The following GNAS-AS1 variants were observed in gnomAD, a reference collection of about 807,000 sequenced individuals.
The protein encoded by GNAS-AS1 is GNAS antisense RNA 1.
rs550848950 is a variant in GNAS-AS1, at chr20:58,842,235, A to C, written n.527-6T>G. 19 of 398,540 alleles carry C rather than the reference A, an allele frequency of 4.8e-5. No individual in the cohort carries two copies. In the South Asian group the frequency reaches 2.3e-3, roughly 49 times the overall value. 24.7% of individuals were successfully genotyped at this position (398,540 alleles called of 1,614,324 possible). A position where few individuals can be genotyped will look rare whatever the true frequency, so the allele number is the denominator to read the frequency against. ...GCCAGTCCTGGGGGGAAAGACTGAT[A>C]AGTGAAATGTCTTTAAAAAATCTCA... is the stretch of plus-strand genomic sequence containing the variant. On this transcript the variant is annotated splice_region_variant and splice_polypyrimidine_tract_variant and intron_variant and non_coding_transcript_variant, in intron 3 of 4. Transcript: ENST00000424094.
intron 4 of GNAS-AS1, among the ~76,000 whole-genome samples, chr20:58,836,887 T>C (rs574232035): frequency 3.9e-5 from 6 of 152,208 alleles, no homozygotes; most frequent in Non-Finnish European, 7.3e-5. Flanking sequence ...GTGTGTTTGC[T>C]GATTAAAATG....
At chr20:58,834,797 A>T (rs1473570302) in intron 4 of GNAS-AS1, 1 of 152,202 alleles carries the variant, frequency 6.6e-6, no homozygotes, top group African/African-American at 2.4e-5. Flanking sequence ...CACAGAACGA[A>T]GGCTCCTTTC....
At chr20:58,848,584 T>C (rs751012475) in intron 2 of GNAS-AS1, among the ~76,000 whole-genome samples, 3 of 152,244 alleles carry the variant, frequency 2.0e-5, no homozygotes, top group Non-Finnish European at 4.4e-5. Context: ...CAGACGATGC[T>C]GCCCACTAAC....
chr20:58,826,200 A>G, intron 4 of GNAS-AS1: 1 of 397,954 alleles, frequency 2.5e-6, no homozygotes, highest in Non-Finnish European at 4.4e-6. Flanking sequence ...TAATAATAAC[A>G]TTAATACGAA....
At chr20:58,837,575 T>G (rs7347302) in intron 4 of GNAS-AS1, among the ~76,000 whole-genome samples, 2 of 152,238 alleles carry the variant, frequency 1.3e-5, no homozygotes, top group African/African-American at 4.8e-5. Flanking sequence ...CCCGAGTAGC[T>G]GGAACTACAA....
At chr20:58,830,440 TTAC>T (rs2085553732) in intron 4 of GNAS-AS1, among the ~76,000 whole-genome samples, 6 of 22,266 alleles carry the variant, frequency 2.7e-4, no homozygotes, top group East Asian at 2.9e-3. Flanking sequence ...ACCACCATCA[TTAC>T]CACCACCACC....
Position 58,841,966 on chromosome 20 carries a change from A to G in GNAS-AS1, n.790T>C. On this transcript the variant is annotated non_coding_transcript_exon_variant, in exon 4 of 5. Transcript: ENST00000424094. The surrounding 1 kb of genome is among the most constrained non-coding windows in gnomAD (Gnocchi z 5.0). The stretch of plus-strand genomic sequence containing the variant: ...CGTTTCCAAAGAGCGCGGTACGCGC[A>G]GAGCTGGGGAAAGGTGTTGGATCCG... 1 of 1,098,008 alleles carries G rather than the reference A, an allele frequency of 9.1e-7. No individual in the cohort carries two copies. The highest frequency in any genetic ancestry group is 1.2e-6 in the Non-Finnish European group (1 of 865,714). The allele number at this position is 1,098,008 out of a possible 1,614,324, so 68.0% of individuals were successfully genotyped here. A position where few individuals can be genotyped will look rare whatever the true frequency, so the allele number is the denominator to read the frequency against.
chr20:58,840,395 C>G lies in GNAS-AS1; in HGVS notation n.819+1542G>C. ...CGAGGAGGCAGACCTTGAGCTGTCC[C>G]TCCCCGAGTGCCTAGAGTACGAGGA... On this transcript the variant is annotated intron_variant and non_coding_transcript_variant, in intron 4 of 4. Coordinates refer to ENST00000424094, the Ensembl canonical transcript of GNAS-AS1. The surrounding 1 kb of genome is among the most constrained non-coding windows in gnomAD (Gnocchi z 6.0). 2 of 1,613,544 alleles carry G rather than the reference C, an allele frequency of 1.2e-6. No individual in the cohort carries two copies. Among genetic ancestry groups the G allele is most frequent in the Non-Finnish European group, 1.7e-6 (2 of 1,179,976 alleles).
chr20:58,840,335 C>T lies in GNAS-AS1; in HGVS notation n.819+1602G>A, dbSNP rs1481989173. On this transcript the variant is annotated intron_variant and non_coding_transcript_variant, in intron 4 of 4. Transcript: ENST00000424094. This position sits in a 1 kb window ranked among gnomAD's most constrained non-coding sequence, Gnocchi z 6.0. ...CCACCGCTCCGGCGCCCAGGTATTC[C>T]CTGAGTCCCCCGAATCGGAATCTGA... 1.2e-6 allele frequency: 2 copies of T among 1,613,130 alleles called. No individual in the cohort carries two copies. The highest frequency in any genetic ancestry group is 1.1e-5 in the South Asian group (1 of 91,088).
At chr20:58,826,262 A>G (rs2085519560) in intron 4 of GNAS-AS1, 3 of 393,176 alleles carry the variant, frequency 7.6e-6, no homozygotes, top group Non-Finnish European at 1.3e-5. Flanking sequence ...CAATGTTGTC[A>G]TACTACTATT....
intron 4 of GNAS-AS1, among the ~76,000 whole-genome samples, chr20:58,831,069 A>T (rs1431029235): frequency 1.3e-5 from 2 of 152,242 alleles, no homozygotes; most frequent in Non-Finnish European, 2.9e-5. Context: ...TAACAAAAAC[A>T]TCAATCTAAC....
intron 4 of GNAS-AS1, among the ~76,000 whole-genome samples, chr20:58,833,244 C>T (rs1431314414): frequency 6.6e-6 from 1 of 152,240 alleles, no homozygotes; most frequent in Non-Finnish European, 1.5e-5. Context: ...TCTTGCTCCT[C>T]TTCCCTCCCT....
chr20:58,842,510 A>C (rs927833567), exon 3 of GNAS-AS1: 1 of 398,556 alleles, frequency 2.5e-6, no homozygotes, highest in African/African-American at 2.1e-5. Context: ...GCCGGGCTGC[A>C]GCGCAGACTG....
At chr20:58,825,812 C>T (rs918089603) in intron 4 of GNAS-AS1, among the ~76,000 whole-genome samples, 1 of 152,186 alleles carries the variant, frequency 6.6e-6, no homozygotes, top group African/African-American at 2.4e-5. Flanking sequence ...AGGCCCAGAG[C>T]TGTGGGGCAT....
rs2085718931 is a variant in GNAS-AS1, at chr20:58,841,376, C to A, written n.819+561G>T. 6 of 1,016,260 alleles carry A rather than the reference C, an allele frequency of 5.9e-6. No homozygotes were observed. Among genetic ancestry groups the A allele is most frequent in the Non-Finnish European group, 7.1e-6 (6 of 848,546 alleles). 63.0% of individuals were successfully genotyped at this position (1,016,260 alleles called of 1,614,324 possible). A position where few individuals can be genotyped will look rare whatever the true frequency, so the allele number is the denominator to read the frequency against. On this transcript the variant is annotated intron_variant and non_coding_transcript_variant, in intron 4 of 4. Coordinates refer to ENST00000424094, the Ensembl canonical transcript of GNAS-AS1. This position sits in a 1 kb window ranked among gnomAD's most constrained non-coding sequence, Gnocchi z 5.0. ...GCTGTAGAGACACCGTTGAAATGTG[C>A]GGAAAGTAATCTGAATGGGAATGGG...
intron 4 of GNAS-AS1, among the ~76,000 whole-genome samples, chr20:58,825,673 A>C (rs946550493): frequency 6.6e-6 from 1 of 152,216 alleles, no homozygotes; most frequent in African/African-American, 2.4e-5. Flanking sequence ...AATGACCTCG[A>C]TATTCCTAAA....
chr20:58,822,135 G>A (rs1432468055), intron 4 of GNAS-AS1, among the ~76,000 whole-genome samples: 6 of 152,168 alleles, frequency 3.9e-5, no homozygotes, highest in South Asian at 4.1e-4. Flanking sequence ...CCCCAGACCC[G>A]GCCATTCAAT....
At position 58,841,600 on chromosome 20, in the gene GNAS-AS1, G is replaced by A. The variant is rs978305196; in HGVS notation, n.819+337C>T. Reference sequence around the variant, plus strand: ...CGCGGGACAGAGACCGCCTCAAAGAGCGTGCGCACCTGCCCGCGCGCGCCG... The same window carrying A: ...CGCGGGACAGAGACCGCCTCAAAGAACGTGCGCACCTGCCCGCGCGCGCCG... On this transcript the variant is annotated intron_variant and non_coding_transcript_variant, in intron 4 of 4. Transcript: ENST00000424094. The surrounding 1 kb of genome is among the most constrained non-coding windows in gnomAD (Gnocchi z 5.0). The A allele has an allele frequency of 9.7e-7, 1 of 1,027,320 alleles. No individual in the cohort carries two copies. Among genetic ancestry groups the A allele is most frequent in the Non-Finnish European group, 1.2e-6 (1 of 857,740 alleles). The allele number at this position is 1,027,320 out of a possible 1,614,324, so 63.6% of individuals were successfully genotyped here. A position where few individuals can be genotyped will look rare whatever the true frequency, so the allele number is the denominator to read the frequency against.
intron 4 of GNAS-AS1, among the ~76,000 whole-genome samples, chr20:58,821,747 C>G (rs2085488678): frequency 6.6e-6 from 1 of 152,164 alleles, no homozygotes; most frequent in African/African-American, 2.4e-5. Flanking sequence ...TAGCTGTGGT[C>G]ACAACTACCA....
Sources: gnomAD v4.1 joint callset for allele counts (sites outside exome capture counted in the v4.1 genomes callset) on GRCh38, gnomAD v4.1.1 for gene constraint, Gnocchi (gnomAD v3.1) non-coding constraint, MANE v1.5 for transcripts, NCBI Gene and HGNC (gene_info 2026-07-23, HGNC 2026-07-21) for gene names.